ZC3H12B: variants seen among roughly 807,000 people sequenced by gnomAD.
The protein encoded by ZC3H12B is probable ribonuclease ZC3H12B.
In ZC3H12B, 7 loss-of-function variants were observed where a neutral mutation model predicts 43.9. That is an observed-to-expected ratio of 0.16 (90% CI 0.09 to 0.30). The LOEUF is 0.30. Among genes scored for constraint, ZC3H12B ranks in the 10% least tolerant of loss-of-function variants. The pLI, the probability that ZC3H12B is intolerant of heterozygous loss-of-function variation, is 1.00. For missense variants in ZC3H12B, 475 were observed against 670.2 expected (o/e 0.71, Z 3.22); for synonymous variants, 222 against 241.7 (o/e 0.92, Z 0.76).
the ZC3H12B span, among the ~76,000 whole-genome samples, chrX:65,324,348 A>G: frequency 2.7e-5 from 3 of 111,508 alleles, no homozygotes; most frequent in Non-Finnish European, 5.7e-5. Flanking sequence ...TAAGTCTTTA[A>G]TCCATCTTGA....
chrX:65,302,068 A>G, the ZC3H12B span, among the ~76,000 whole-genome samples: 3 of 111,519 alleles, frequency 2.7e-5, no homozygotes, highest in African/African-American at 6.5e-5. Context: ...ACCTAACAAT[A>G]TACTTAATGG....
intron 3 of ZC3H12B, among the ~76,000 whole-genome samples, chrX:65,456,896 G>GC (rs1214442706): frequency 1.8e-5 from 2 of 108,490 alleles, no homozygotes; most frequent in Non-Finnish European, 3.8e-5. Context: ...TCTCTGCCTG[G>GC]CCGCCCATCG....
At chrX:65,413,204 C>CTT (rs1184131701) in intron 3 of ZC3H12B, among the ~76,000 whole-genome samples, 4 of 111,838 alleles carry the variant, frequency 3.6e-5, no homozygotes, top group Non-Finnish European at 7.5e-5. Flanking sequence ...ATACTAGTCT[C>CTT]TTATCAGACA....
the ZC3H12B span, among the ~76,000 whole-genome samples, chrX:65,041,480 A>G: frequency 8.9e-6 from 1 of 112,127 alleles, no homozygotes; most frequent in South Asian, 3.7e-4. Context: ...GTGCTCTATT[A>G]CTAATCAGAG....
the ZC3H12B span, among the ~76,000 whole-genome samples, chrX:65,152,890 G>C: frequency 9.0e-6 from 1 of 111,638 alleles, no homozygotes; most frequent in Non-Finnish European, 1.9e-5. Context: ...CAGAGATATA[G>C]ATAAATGGAA....
the ZC3H12B span, among the ~76,000 whole-genome samples, chrX:65,160,467 A>C: frequency 9.0e-6 from 1 of 111,644 alleles, no homozygotes; most frequent in South Asian, 3.7e-4. Flanking sequence ...CAGAGATTCA[A>C]CTTCTTTGTG....
At chrX:65,058,785 T>C in the ZC3H12B span, among the ~76,000 whole-genome samples, 8 of 112,104 alleles carry the variant, frequency 7.1e-5, no homozygotes, top group African/African-American at 2.6e-4. Context: ...GCGGCCGCTC[T>C]TCCCCCAGCC....
At chrX:65,425,705 T>C (rs2067072913) in intron 3 of ZC3H12B, among the ~76,000 whole-genome samples, 1 of 112,081 alleles carries the variant, frequency 8.9e-6, no homozygotes, top group African/African-American at 3.2e-5. Flanking sequence ...CTTTTCTGCA[T>C]CTATTGAGTT....
At chrX:65,299,431 T>G in the ZC3H12B span, among the ~76,000 whole-genome samples, 2 of 111,839 alleles carry the variant, frequency 1.8e-5, no homozygotes, top group African/African-American at 6.5e-5. Flanking sequence ...AAATAATTAT[T>G]TAGCACAAGT....
At chrX:65,107,779 C>G in the ZC3H12B span, among the ~76,000 whole-genome samples, 1 of 111,272 alleles carries the variant, frequency 9.0e-6, no homozygotes, top group East Asian at 2.8e-4. Flanking sequence ...GCCTCCTTTT[C>G]CACCATGATT....
the ZC3H12B span, among the ~76,000 whole-genome samples, chrX:65,146,506 G>A: frequency 9.0e-6 from 1 of 110,950 alleles, no homozygotes; most frequent in Non-Finnish European, 1.9e-5. Context: ...TGATGAGCTA[G>A]TGTGATTTTT....
chrX:65,453,052 A>G (rs1037868934), intron 3 of ZC3H12B, among the ~76,000 whole-genome samples: 3 of 110,031 alleles, frequency 2.7e-5, no homozygotes, highest in African/African-American at 9.9e-5. Context: ...ATGCAAGACT[A>G]AGCAAAAAGA....
chrX:65,431,036 T>A (rs1189247817), intron 3 of ZC3H12B, among the ~76,000 whole-genome samples: 1 of 112,349 alleles, frequency 8.9e-6, no homozygotes, highest in Non-Finnish European at 1.9e-5. Flanking sequence ...ATTCCTCTGT[T>A]TTATCAAGCC....
chrX:65,119,396 G>A, the ZC3H12B span, among the ~76,000 whole-genome samples: 2 of 111,846 alleles, frequency 1.8e-5, no homozygotes, highest in African/African-American at 3.2e-5. Context: ...TTCTCTGATG[G>A]CCAGTGATGA....
intron 2 of ZC3H12B, among the ~76,000 whole-genome samples, chrX:65,386,291 T>G (rs1436112538): frequency 2.7e-5 from 3 of 111,879 alleles, no homozygotes; most frequent in Non-Finnish European, 3.8e-5. Flanking sequence ...TTTTTTTGGT[T>G]GGTAGGCTAT....
chrX:65,235,862 T>A, the ZC3H12B span, among the ~76,000 whole-genome samples: 1 of 111,761 alleles, frequency 8.9e-6, no homozygotes, highest in African/African-American at 3.3e-5. Flanking sequence ...TGTTTTGGCA[T>A]GTTCTGGGTT....
At chrX:65,270,219 A>T in the ZC3H12B span, among the ~76,000 whole-genome samples, 2 of 111,933 alleles carry the variant, frequency 1.8e-5, no homozygotes, top group African/African-American at 6.5e-5. Context: ...AGAGCCCAGA[A>T]ATAAATCCAA....
the ZC3H12B span, among the ~76,000 whole-genome samples, chrX:65,057,340 T>C: frequency 9.0e-6 from 1 of 111,693 alleles, no homozygotes; most frequent in Non-Finnish European, 1.9e-5. Flanking sequence ...CCTTCACTTA[T>C]GAAGCTTAGT....
chrX:65,448,044 A>G (rs2067402908), intron 3 of ZC3H12B, among the ~76,000 whole-genome samples: 1 of 110,877 alleles, frequency 9.0e-6, no homozygotes, highest in Non-Finnish European at 1.9e-5. Context: ...CATCCCGGCT[A>G]ACACAGTGAA....
Sources: gnomAD v4.1 joint callset for allele counts (sites outside exome capture counted in the v4.1 genomes callset) on GRCh38, gnomAD v4.1.1 for gene constraint, MANE v1.5 for transcripts, NCBI Gene and HGNC (gene_info 2026-07-23, HGNC 2026-07-21) for gene names.